The following CHST9 variants were observed in gnomAD, a reference collection of about 807,000 sequenced individuals.
The protein encoded by CHST9 is GalNAc-4-sulfotransferase 2.
In CHST9, 41 loss-of-function variants were observed where a neutral mutation model predicts 44.4. The observed-to-expected ratio is 0.92, with a 90% CI of 0.72 to 1.20. The LOEUF (loss-of-function observed/expected upper bound fraction) is 1.20, where lower values mean the gene tolerates loss of function less well. Ranked by LOEUF, CHST9 falls within the 50% of genes most tolerant of loss-of-function variation. The probability of loss-of-function intolerance (pLI) is 0.00; values close to 1 mark genes in which losing one functional copy is unlikely to be tolerated. For missense variants in CHST9, 504 were observed against 516.5 expected, an observed-to-expected ratio of 0.98 and a Z score of 0.23; for synonymous variants, 171 against 178.4, an observed-to-expected ratio of 0.96 and a Z score of 0.33.
intron 5 of CHST9, among the ~76,000 whole-genome samples, chr18:26,921,962 AAATT>A (rs2055663623): frequency 6.6e-6 from 1 of 152,204 alleles, no homozygotes; most frequent in African/African-American, 2.4e-5. Context: ...GTATCTTTCT[AAATT>A]AATTACCCCC....
At chr18:27,130,179 G>T (rs1200921010) in intron 2 of CHST9, among the ~76,000 whole-genome samples, 1 of 152,160 alleles carries the variant, frequency 6.6e-6, no homozygotes, top group Non-Finnish European at 1.5e-5. Flanking sequence ...AAATTACGTA[G>T]TTTGGACTAG....
Position 26,916,412 on chromosome 18 carries a change from G to C in CHST9, c.1179C>G (p.Pro393=), listed in dbSNP as rs80190384. 3,489 of 1,613,690 alleles carry C rather than the reference G, an allele frequency of 2.2e-3. 71 individuals are homozygous for C. The African/African-American group carries it at 0.042, about 20-fold the overall frequency. The change falls in exon 6 of 6, where the codon CCC becomes CCG. Residue 393 remains proline (P), a synonymous_variant. Transcript: ENST00000618847. ...CGGAAGAGTGCCTATCCTTAAAGTTGGGAAATTTCAGCTCCTTTGGAGCAC... is the reference window on the plus strand; with the variant it reads ...CGGAAGAGTGCCTATCCTTAAAGTTCGGAAATTTCAGCTCCTTTGGAGCAC... ...MIGAPKELKF[P]NFKDRHSSDE... is the part of the protein sequence containing the mutation.
rs114258025 is a variant in CHST9 at position 27,114,387 on chromosome 18, C to T, written c.121+28302G>A. On this transcript the variant is annotated intron_variant, in intron 2 of 5. Transcript: ENST00000618847. ...AATACATTTTAGTGTTTAATTACACCCAGCTAAGATGTTTTTCCTTATATT... is the reference window on the plus strand; with the variant it reads ...AATACATTTTAGTGTTTAATTACACTCAGCTAAGATGTTTTTCCTTATATT... 1.3e-3 allele frequency among the ~76,000 whole-genome samples: 202 copies of T among 152,164 alleles called. 1 individual carries two copies. Among genetic ancestry groups the T allele is most frequent in the African/African-American group, 4.6e-3 (191 of 41,508 alleles).
At position 27,053,132 on chromosome 18, in the gene CHST9, A is replaced by AAGAAGAAGAAGAAGAAGAAGG. The variant is rs1239616329; in HGVS notation, c.122-4630_122-4629insCCTTCTTCTTCTTCTTCTTCT. Among the ~76,000 whole-genome samples the AAGAAGAAGAAGAAGAAGAAGG allele has an allele frequency of 8.3e-5, 5 of 60,098 alleles. 1 individual carries two copies. Among genetic ancestry groups the AAGAAGAAGAAGAAGAAGAAGG allele is most frequent in the African/African-American group, 3.9e-4 (5 of 12,694 alleles). 39.4% of individuals were successfully genotyped at this position (60,098 alleles called of 152,430 possible). On this transcript the variant is annotated intron_variant, in intron 2 of 5. Transcript: ENST00000618847. Reference sequence around the variant, plus strand: ...GAAGAAGAGGAGGAGGAAGAAGAGGAAGAAGAAGAAGAAGAAGAAGAAGAA... The same window carrying AAGAAGAAGAAGAAGAAGAAGG: ...GAAGAAGAGGAGGAGGAAGAAGAGGAAGAAGAAGAAGAAGAAGAAGGAGAAGAAGAAGAAGAAGAAGAAGAA...
intron 4 of CHST9, among the ~76,000 whole-genome samples, chr18:27,006,006 C>G (rs1044021178): frequency 3.9e-5 from 6 of 152,140 alleles, no homozygotes; most frequent in Admixed American, 2.0e-4. Flanking sequence ...ACTTCTAATT[C>G]TTTATTCAGA....
At chr18:27,182,488 A>G (rs565027841) in intron 1 of CHST9, among the ~76,000 whole-genome samples, 47 of 152,346 alleles carry the variant, frequency 3.1e-4, no homozygotes, top group African/African-American at 1.1e-3. Context: ...TTTTTCCTCA[A>G]AAAATATGAA....
At chr18:27,123,230 T>C (rs2058390347) in intron 2 of CHST9, among the ~76,000 whole-genome samples, 1 of 152,162 alleles carries the variant, frequency 6.6e-6, no homozygotes, top group South Asian at 2.1e-4. Context: ...TTGGATCCAC[T>C]ATGAGATGGA....
At chr18:26,974,145 C>T (rs2077399269) in intron 4 of CHST9, among the ~76,000 whole-genome samples, 4 of 152,300 alleles carry the variant, frequency 2.6e-5, no homozygotes, top group South Asian at 2.1e-4. Flanking sequence ...TATAACAACT[C>T]AGGGAGATGC....
chr18:27,155,474 A>G (rs1427744747), intron 1 of CHST9, among the ~76,000 whole-genome samples: 1 of 152,194 alleles, frequency 6.6e-6, no homozygotes, highest in Non-Finnish European at 1.5e-5. Context: ...GCAAAGCCAG[A>G]ATGAGTAAGA....
intron 4 of CHST9, among the ~76,000 whole-genome samples, chr18:26,954,158 T>TG (rs2056289975): frequency 6.6e-6 from 1 of 152,134 alleles, no homozygotes; most frequent in African/African-American, 2.4e-5. Context: ...AGGGCAGATT[T>TG]GGTCATTCAG....
intron 2 of CHST9, among the ~76,000 whole-genome samples, chr18:27,049,069 TG>T (rs2057536252): frequency 6.6e-6 from 1 of 152,106 alleles, no homozygotes; most frequent in Non-Finnish European, 1.5e-5. Flanking sequence ...GGAAACAGTA[TG>T]GGCTAAATGG....
intron 4 of CHST9, among the ~76,000 whole-genome samples, chr18:27,008,128 T>C (rs537578302): frequency 5.2e-4 from 79 of 152,250 alleles, no homozygotes; most frequent in African/African-American, 1.9e-3. Context: ...CACTCCTCCC[T>C]TGTAACAGGA....
chr18:26,986,579 T>C (rs1009684833), intron 4 of CHST9, among the ~76,000 whole-genome samples: 1 of 152,098 alleles, frequency 6.6e-6, no homozygotes, highest in African/African-American at 2.4e-5. Context: ...TCTAGGAAGC[T>C]CAAGAAACCT....
In CHST9 at chr18:27,112,278, A is replaced by G. The variant is rs1010321536; in HGVS notation, c.121+30411T>C. 6.6e-5 allele frequency among the ~76,000 whole-genome samples: 10 copies of G among 151,220 alleles called. No individual in the cohort carries two copies. In the East Asian group the frequency reaches 2.0e-3, roughly 30 times the overall value. On this transcript the variant is annotated intron_variant, in intron 2 of 5. Coordinates refer to ENST00000618847, the MANE Select transcript of CHST9 (RefSeq NM_031422.6). ...CAGGATGTGTATGTGTGTGTGTATA[A>G]CAGAAGTGTTTCAGATTTTAAATTT...
At chr18:27,008,998 G>A (rs1459325458) in intron 4 of CHST9, among the ~76,000 whole-genome samples, 4 of 151,152 alleles carry the variant, frequency 2.6e-5, no homozygotes, top group South Asian at 2.1e-4. Context: ...TCTCACTCTC[G>A]TCCTGTGCTC....
At position 27,103,578 on chromosome 18, in the gene CHST9, G is replaced by A. The variant is rs555745192; in HGVS notation, c.121+39111C>T. On this transcript the variant is annotated intron_variant, in intron 2 of 5. Transcript: ENST00000618847. The stretch of plus-strand genomic sequence containing the variant: ...TAAGATGGTGACCGCAAGAGTATGC[G>A]ATCAAATGAGGGGCTTTTAAGGGGA... 7.9e-5 allele frequency among the ~76,000 whole-genome samples: 12 copies of A among 152,306 alleles called. 1 individual carries two copies. The South Asian group carries it at 1.0e-3, about 13-fold the overall frequency.
At chr18:26,933,450 C>G (rs534912785) in intron 5 of CHST9, among the ~76,000 whole-genome samples, 1 of 152,206 alleles carries the variant, frequency 6.6e-6, no homozygotes, top group East Asian at 1.9e-4. Flanking sequence ...TATATTTTTG[C>G]CGAGTATCAC....
intron 2 of CHST9, among the ~76,000 whole-genome samples, chr18:27,121,028 G>A (rs887959529): frequency 5.3e-5 from 8 of 151,992 alleles, no homozygotes; most frequent in Non-Finnish European, 1.0e-4. Context: ...TTGAGATGAG[G>A]TCTCACTCTG....
chr18:27,105,768 T>C (rs868744538), intron 2 of CHST9, among the ~76,000 whole-genome samples: 9 of 152,284 alleles, frequency 5.9e-5, no homozygotes, highest in South Asian at 4.1e-4. Flanking sequence ...AAAGTTTATT[T>C]GGACCAGAAA....
Sources: gnomAD v4.1 joint callset for allele counts (sites outside exome capture counted in the v4.1 genomes callset) on GRCh38, gnomAD v4.1.1 for gene constraint, MANE v1.5 for transcripts, NCBI Gene and HGNC (gene_info 2026-07-23, HGNC 2026-07-21) for gene names.